Variants in CDK12 observed in about 807,000 individuals in gnomAD.
CDK12 encodes the protein cyclin dependent kinase 12, also known as cyclin-dependent kinase 12.
Under a neutral mutation model 133.8 loss-of-function variants are expected in CDK12, and 17 were observed. The observed-to-expected ratio is 0.13, with a 90% CI of 0.09 to 0.19. The LOEUF (loss-of-function observed/expected upper bound fraction) is 0.19. Among genes scored for constraint, CDK12 ranks in the 10% least tolerant of loss-of-function variants. The probability of loss-of-function intolerance (pLI) is 1.00; values close to 1 mark genes in which losing one functional copy is unlikely to be tolerated. For synonymous variants in CDK12, 694 were observed against 683.6 expected (o/e 1.02, Z -0.24); for missense variants, 1,508 against 1,818.7 (o/e 0.83, Z 3.11).
chr17:39,493,665 A>G (rs774449306), intron 4 of CDK12, among the ~76,000 whole-genome samples: 26 of 152,042 alleles, frequency 1.7e-4, no homozygotes, highest in Non-Finnish European at 3.1e-4. Flanking sequence ...GTTATTGAGT[A>G]GATCAAAGGT....
chr17:39,529,507 C>G (rs2054697538), intron 13 of CDK12, among the ~76,000 whole-genome samples: 1 of 151,760 alleles, frequency 6.6e-6, no homozygotes, highest in African/African-American at 2.4e-5. Context: ...GGAAGATATC[C>G]CAAAACATTA....
At chr17:39,497,126 T>C (rs1252169399) in intron 5 of CDK12, among the ~76,000 whole-genome samples, 5 of 151,094 alleles carry the variant, frequency 3.3e-5, no homozygotes, top group Non-Finnish European at 5.9e-5. Flanking sequence ...AGAGACAGGG[T>C]TTCGCCATTT....
intron 1 of CDK12, among the ~76,000 whole-genome samples, chr17:39,466,127 G>A (rs1347227186): frequency 6.6e-6 from 1 of 151,800 alleles, no homozygotes; most frequent in Non-Finnish European, 1.5e-5. Context: ...GGCCAGCGTG[G>A]TGAAACCCCG....
intron 8 of CDK12, among the ~76,000 whole-genome samples, chr17:39,513,925 G>A (rs2053639434): frequency 1.3e-5 from 2 of 152,134 alleles, no homozygotes; most frequent in South Asian, 4.1e-4. Flanking sequence ...AGCAAATTAT[G>A]TCAGGAGTCT....
At chr17:39,483,036 C>T (rs922341389) in intron 2 of CDK12, among the ~76,000 whole-genome samples, 2 of 151,778 alleles carry the variant, frequency 1.3e-5, no homozygotes, top group African/African-American at 4.8e-5. Flanking sequence ...CCTCAGTCTC[C>T]TGAATAGCTG....
rs1182895859 is a variant in CDK12 at position 39,476,721 on chromosome 17, T to TTTTCTTTTC, written c.1931+4961_1931+4962insCTTTTCTTT. Among the ~76,000 whole-genome samples the TTTTCTTTTC allele has an allele frequency of 4.9e-3, 551 of 111,488 alleles. 24 individuals carry two copies. Among genetic ancestry groups the TTTTCTTTTC allele is most frequent in the African/African-American group, 0.018 (525 of 29,222 alleles). The allele number at this position is 111,488 out of a possible 152,430, so 73.1% of individuals were successfully genotyped here. On this transcript the variant is annotated intron_variant, in intron 2 of 13. Coordinates refer to ENST00000447079, the MANE Select transcript of CDK12 (RefSeq NM_016507.4). ...AGCCACCATGCCTGCCTTTTTTTTT[T>TTTTCTTTTC]TTTTTTTTTTTTTTTTTTTGAGACA... is the stretch of plus-strand genomic sequence containing the variant.
chr17:39,566,639 G>A (rs749367361), downstream of CDK12, among the ~76,000 whole-genome samples: 18 of 152,090 alleles, frequency 1.2e-4, no homozygotes, highest in Non-Finnish European at 2.5e-4. Context: ...GGGTGTCTGC[G>A]ATGGAAAAAG....
chr17:39,512,211 T>C (rs1265649671), intron 8 of CDK12, among the ~76,000 whole-genome samples: 1 of 152,158 alleles, frequency 6.6e-6, no homozygotes, highest in East Asian at 1.9e-4. Context: ...TGCCTCAGCC[T>C]CCTGAATAGC....
intron 2 of CDK12, among the ~76,000 whole-genome samples, chr17:39,488,070 C>T (rs984682842): frequency 3.3e-5 from 5 of 151,960 alleles, no homozygotes; most frequent in African/African-American, 1.2e-4. Flanking sequence ...CTTGTCTCTA[C>T]AAAAAATTTC....
rs1235567023 is a variant in CDK12 at position 39,531,205 on chromosome 17, A to T, written c.4362A>T (p.Gly1454=). ...GAACCACTGGGGCCAGCAGCTCAGG[A>T]GCAGGCCTTCACTGGGGGGGCCCAA... ...GPGTTGASSS[G]AGLHWGGPTQ... Residue 1454 remains glycine, a synonymous_variant, in exon 14 of 14, where the codon GGA becomes GGT. Transcript: ENST00000447079. 6.6e-7 allele frequency: 1 copy of T among 1,519,080 alleles called. No individual in the cohort carries two copies. Among genetic ancestry groups the T allele is most frequent in the Non-Finnish European group, 8.8e-7 (1 of 1,135,524 alleles). 94.1% of individuals were successfully genotyped at this position (1,519,080 alleles called of 1,614,324 possible).
chr17:39,503,302 AC>A (rs2052862274), intron 6 of CDK12, among the ~76,000 whole-genome samples: 1 of 152,106 alleles, frequency 6.6e-6, no homozygotes, highest in South Asian at 2.1e-4. Context: ...CGAACTCCTG[AC>A]CTCAAGTGAT....
intron 11 of CDK12, among the ~76,000 whole-genome samples, chr17:39,523,614 A>C (rs2054314269): frequency 6.6e-6 from 1 of 152,206 alleles, no homozygotes; most frequent in Admixed American, 6.5e-5. Context: ...GTTCATGAGT[A>C]GGTAGTAATT....
intron 5 of CDK12, among the ~76,000 whole-genome samples, chr17:39,497,467 C>T (rs1045339875): frequency 6.0e-5 from 9 of 150,690 alleles, no homozygotes; most frequent in African/African-American, 1.2e-4. Context: ...TGTTTGAACC[C>T]GGGAGGTAGA....
chr17:39,542,023 T>G (rs892562064), intron 1 of CDK12, among the ~76,000 whole-genome samples: 2 of 151,814 alleles, frequency 1.3e-5, no homozygotes, highest in African/African-American at 4.8e-5. Context: ...GCCCCCAACT[T>G]TAAGATGACC....
rs765368270 is a variant in CDK12 at position 39,533,676 on chromosome 17, GGTGAGTGTATGT to G, written c.*2375_*2386del. ...TTCCCTCATCCCTACTAGGGAAGGG[GGTGAGTGTATGT>G]GTGAGTGTATGTGTATGTATGATCC... On this transcript the variant is annotated 3_prime_UTR_variant, in exon 14 of 14. Transcript: ENST00000447079. 6.0e-5 allele frequency: 14 copies of G among 232,736 alleles called. No individual in the cohort carries two copies. The highest frequency in any genetic ancestry group is 8.8e-5 in the African/African-American group (4 of 45,244). 14.4% of individuals were successfully genotyped at this position (232,736 alleles called of 1,614,324 possible).
downstream of CDK12, chr17:39,534,823 A>G (rs2055058377): frequency 6.3e-6 from 1 of 158,280 alleles, no homozygotes; most frequent in African/African-American, 2.4e-5. Context: ...CAAACCATCA[A>G]AAGAGTTGAG....
intron 2 of CDK12, among the ~76,000 whole-genome samples, chr17:39,478,085 C>T (rs1382490157): frequency 2.8e-5 from 4 of 143,616 alleles, no homozygotes; most frequent in Admixed American, 7.1e-5. Flanking sequence ...TTTTAAGAGA[C>T]GGGGTCTTGC....
intron 10 of CDK12, 112 bp from the exon 11 acceptor site, chr17:39,519,844 T>G (rs1349706327): frequency 8.1e-7 from 1 of 1,231,060 alleles, no homozygotes; most frequent in Non-Finnish European, 1.2e-6. Context: ...CAGTCCTACC[T>G]TGGCCTCCCA....
At chr17:39,465,596 C>T (rs1359488627) in intron 1 of CDK12, among the ~76,000 whole-genome samples, 1 of 151,952 alleles carries the variant, frequency 6.6e-6, no homozygotes, top group African/African-American at 2.4e-5. Flanking sequence ...AAGCTATTCT[C>T]CTGCCTCAGC....
Sources: gnomAD v4.1 joint callset for allele counts (sites outside exome capture counted in the v4.1 genomes callset) on GRCh38, gnomAD v4.1.1 for gene constraint, MANE v1.5 for transcripts, NCBI Gene and HGNC (gene_info 2026-07-23, HGNC 2026-07-21) for gene names.